GDPD5: variants seen among roughly 807,000 people sequenced by gnomAD.
GDPD5 encodes the protein glycerophosphodiester phosphodiesterase 2.
In GDPD5, 48 loss-of-function variants were observed where a neutral mutation model predicts 75.1. That is an observed-to-expected ratio of 0.64 (90% confidence interval 0.51 to 0.81). GDPD5 has a LOEUF of 0.81. Ranked by LOEUF, GDPD5 falls within the 40% of genes least tolerant of loss-of-function variation. GDPD5 has a pLI of 0.00. For synonymous variants in GDPD5, 336 were observed against 339.0 expected (o/e 0.99, Z 0.10); for missense variants, 706 against 822.6 (o/e 0.86, Z 1.73).
chr11:75,464,415 G>A (rs1455673543), intron 3 of GDPD5, among the ~76,000 whole-genome samples: 1 of 152,188 alleles, frequency 6.6e-6, no homozygotes, highest in Non-Finnish European at 1.5e-5. Context: ...TGCCTCTCCA[G>A]AACGTAGGAA....
chr11:75,498,971 G>C (rs1291949471), intron 1 of GDPD5, among the ~76,000 whole-genome samples: 1 of 152,122 alleles, frequency 6.6e-6, no homozygotes, highest in African/African-American at 2.4e-5. Flanking sequence ...ATGGAGCTTG[G>C]CTGGAAATAG....
rs1386446012 is a variant in GDPD5, at chr11:75,442,604, C to T, written c.949-23G>A. 7 of 1,608,260 alleles carry T rather than the reference C, an allele frequency of 4.4e-6. No individual in the cohort carries two copies. In the South Asian group the frequency reaches 5.5e-5, roughly 13 times the overall value. ...AGTCTGGCAGGGACAGGGACACACA[C>T]ATGGCTGCATCATCAGCCCTTTGGG... On this transcript the variant is annotated intron_variant, in intron 11 of 16. Coordinates refer to ENST00000336898, the MANE Select transcript of GDPD5 (RefSeq NM_030792.8).
intron 1 of GDPD5, among the ~76,000 whole-genome samples, chr11:75,521,672 G>A (rs1475302614): frequency 6.6e-6 from 1 of 152,232 alleles, no homozygotes; most frequent in Non-Finnish European, 1.5e-5. Flanking sequence ...TAAAGATTCA[G>A]AGGGGGCATG....
intron 3 of GDPD5, among the ~76,000 whole-genome samples, chr11:75,472,002 CTT>C (rs1273958075): frequency 1.3e-5 from 2 of 152,188 alleles, no homozygotes; most frequent in Non-Finnish European, 2.9e-5. Context: ...TGCCGGGTCT[CTT>C]TTCCTCAAAG....
intron 1 of GDPD5, chr11:75,517,455 A>C (rs1950662557): frequency 7.1e-6 from 1 of 140,120 alleles, no homozygotes; most frequent in Admixed American, 7.0e-5. Flanking sequence ...ACTCTGTCTC[A>C]AAAAAAAAAA....
intron 13 of GDPD5, 118 bp from the exon 14 acceptor site, chr11:75,441,428 A>G (rs931654141): frequency 7.4e-7 from 1 of 1,358,252 alleles, no homozygotes; most frequent in Admixed American, 2.0e-5. Context: ...GGCAAGGAAC[A>G]TTGGCTCCAG....
chr11:75,435,619 G>C lies in GDPD5; in HGVS notation c.1706C>G (p.Ser569Cys). Residue 569 changes from serine to cysteine, a missense_variant, in exon 17 of 17, where the codon TCC becomes TGC. Transcript: ENST00000336898. ...SDGVEVSDVL[S>C]VCSDNSYDTY... Reference sequence around the variant, plus strand: ...GTCATAACTGTTGTCTGAACATACGGAGAGCACATCGGAGACCTCTACACC... The same window carrying C: ...GTCATAACTGTTGTCTGAACATACGCAGAGCACATCGGAGACCTCTACACC... 1 of 1,613,584 alleles carries C rather than the reference G, an allele frequency of 6.2e-7. No homozygotes were observed. Among genetic ancestry groups the C allele is most frequent in the South Asian group, 1.1e-5 (1 of 91,040 alleles).
intron 1 of GDPD5, among the ~76,000 whole-genome samples, chr11:75,495,759 C>G (rs911282486): frequency 6.6e-6 from 1 of 152,168 alleles, no homozygotes; most frequent in Non-Finnish European, 1.5e-5. Context: ...ATACATGGAT[C>G]TCTATTTGTA....
At chr11:75,523,394 A>G (rs1488335656) in intron 1 of GDPD5, among the ~76,000 whole-genome samples, 1 of 152,212 alleles carries the variant, frequency 6.6e-6, no homozygotes, top group Admixed American at 6.5e-5. Context: ...TTCTACAAGC[A>G]AACTCAAAGG....
chr11:75,472,230 C>T (rs1392163619), intron 3 of GDPD5, among the ~76,000 whole-genome samples: 1 of 152,100 alleles, frequency 6.6e-6, no homozygotes, highest in Non-Finnish European at 1.5e-5. Context: ...CACACTCAGT[C>T]ACTGGGAGGC....
At chr11:75,452,482 G>A (rs573737047) in intron 6 of GDPD5, among the ~76,000 whole-genome samples, 1 of 152,356 alleles carries the variant, frequency 6.6e-6, no homozygotes, top group African/African-American at 2.4e-5. Context: ...TATGGGAACA[G>A]GATTATTGTG....
Position 75,462,906 on chromosome 11 carries a change from G to A in GDPD5, c.118-17C>T, listed in dbSNP as rs746742028. ...GCGCTCCCACTGGAAGAGCAGAGGA[G>A]GAGGGGATTAAGTGGGTCAGGGGCC... On this transcript the variant is annotated splice_polypyrimidine_tract_variant and intron_variant, in intron 3 of 16. Transcript: ENST00000336898. 1.9e-5 allele frequency: 30 copies of A among 1,605,610 alleles called. No individual in the cohort carries two copies. The East Asian group carries it at 6.5e-4, about 35-fold the overall frequency.
rs1950499514 is a variant in GDPD5 at position 75,510,739 on chromosome 11, C to T, written c.-145+14471G>A. ...GACTGATGGACCCCAGGAGGAAGCTCGCTCCCTTCTCCCCCTCCCCCCTCC... is the reference window on the plus strand; with the variant it reads ...GACTGATGGACCCCAGGAGGAAGCTTGCTCCCTTCTCCCCCTCCCCCCTCC... On this transcript the variant is annotated intron_variant, in intron 1 of 16. Transcript: ENST00000336898. Among the ~76,000 whole-genome samples, 6 of 150,162 alleles carry T rather than the reference C, an allele frequency of 4.0e-5. No homozygotes were observed. In the South Asian group the frequency reaches 1.3e-3, roughly 32 times the overall value.
intron 1 of GDPD5, among the ~76,000 whole-genome samples, chr11:75,499,752 T>C (rs1950272742): frequency 6.6e-6 from 1 of 152,142 alleles, no homozygotes; most frequent in Non-Finnish European, 1.5e-5. Flanking sequence ...TGGGGTTGGG[T>C]GTGGCCTCTT....
chr11:75,443,609 G>A (rs918364682), intron 10 of GDPD5, among the ~76,000 whole-genome samples: 4 of 152,246 alleles, frequency 2.6e-5, no homozygotes, highest in Non-Finnish European at 5.9e-5. Context: ...AGAAACTGAG[G>A]CTGAGAGAGG....
chr11:75,481,870 A>G (rs957957107), intron 2 of GDPD5, among the ~76,000 whole-genome samples: 1 of 151,904 alleles, frequency 6.6e-6, no homozygotes, highest in Admixed American at 6.5e-5. Flanking sequence ...GGGGCCACTC[A>G]GGCTCTTCCC....
chr11:75,472,608 C>T (rs978440115), intron 3 of GDPD5, among the ~76,000 whole-genome samples: 10 of 152,186 alleles, frequency 6.6e-5, no homozygotes, highest in Non-Finnish European at 1.2e-4. Flanking sequence ...CGCACATGTA[C>T]GCCTACATTC....
chr11:75,441,229 C>A lies in GDPD5; in HGVS notation c.1407G>T (p.Gly469=), dbSNP rs771674228. Reference sequence around the variant, plus strand: ...AGTTGTCAGAGGTGACGGATGGGACCCCCGCACACCACAGCAGGGAGAAGA... The same window carrying A: ...AGTTGTCAGAGGTGACGGATGGGACACCCGCACACCACAGCAGGGAGAAGA... ...PWLFSLLWCA[G]VPSVTSDNSH... is the part of the protein sequence containing the mutation. Residue 469 remains glycine (G), a synonymous_variant, in exon 14 of 17, where the codon GGG becomes GGT. Transcript: ENST00000336898. 5.6e-6 allele frequency: 9 copies of A among 1,614,084 alleles called. No homozygotes were observed. The East Asian group carries it at 1.6e-4, about 28-fold the overall frequency.
intron 1 of GDPD5, among the ~76,000 whole-genome samples, chr11:75,493,680 C>G (rs958797256): frequency 4.0e-5 from 6 of 151,658 alleles, no homozygotes; most frequent in African/African-American, 1.5e-4. Flanking sequence ...AGGAGTGCAG[C>G]AGGGGGGGGC....
Sources: allele counts gnomAD v4.1 joint callset (sites outside exome capture counted in the v4.1 genomes callset), GRCh38; gene constraint gnomAD v4.1.1; transcripts MANE v1.5; gene names NCBI Gene and HGNC (gene_info 2026-07-23, HGNC 2026-07-21).